The following HOXA10 variants were observed in gnomAD, a reference collection of about 807,000 sequenced individuals.
HOXA10 encodes the protein homeobox A10.
Under a neutral mutation model 29.7 loss-of-function variants are expected in HOXA10, and 12 were observed. The observed-to-expected ratio is 0.40, with a 90% CI of 0.26 to 0.65. HOXA10 has a LOEUF of 0.65. Among genes scored for constraint, HOXA10 ranks in the 30% least tolerant of loss-of-function variants. HOXA10 has a pLI of 0.37. For missense variants in HOXA10, 656 were observed against 585.9 expected, an observed-to-expected ratio of 1.12 and a Z score of -1.24; for synonymous variants, 327 against 280.7, an observed-to-expected ratio of 1.16 and a Z score of -1.65.
chr7:27,178,515 G>A (rs1464863758), upstream of HOXA10, among the ~76,000 whole-genome samples: 1 of 152,220 alleles, frequency 6.6e-6, no homozygotes, highest in Non-Finnish European at 1.5e-5. Context: ...AATATTCTTA[G>A]ATTTGTTCAT....
chr7:27,176,855 T>C (rs528788677), upstream of HOXA10, among the ~76,000 whole-genome samples: 1 of 152,374 alleles, frequency 6.6e-6, no homozygotes, highest in Non-Finnish European at 1.5e-5. Context: ...TCCAAGTAAG[T>C]TTTGACTCAT....
chr7:27,173,119 G>T (rs547338308), intron 1 of HOXA10, among the ~76,000 whole-genome samples: 216 of 152,370 alleles, frequency 1.4e-3, no homozygotes, highest in African/African-American at 3.8e-3. Context: ...CCTAGTCAGG[G>T]GGAGCTGAGG....
rs1296650448 is a variant in HOXA10 at position 27,173,653 on chromosome 7, C to T, written c.654G>A (p.Gln218=). The T allele has an allele frequency of 3.9e-6, 6 of 1,547,858 alleles. No individual in the cohort carries two copies. The highest frequency in any genetic ancestry group is 1.4e-5 in the African/African-American group (1 of 72,756). ...CATAGCCCTTGGCGGTGCCGTAGGC[C>T]TGAGAAAGGCGGAAGTAGCCAGGCA... ...VPVPGYFRLS[Q]AYGTAKGYGS... The change falls in exon 1 of 2, where the codon CAG becomes CAA. Residue 218 remains glutamine (Q), a synonymous_variant. Transcript: ENST00000283921.
chr7:27,179,310 C>CTTTTT (rs10634973), upstream of HOXA10, among the ~76,000 whole-genome samples: 4 of 141,636 alleles, frequency 2.8e-5, no homozygotes, highest in Non-Finnish European at 6.1e-5. Context: ...CCGCGATCAC[C>CTTTTT]TTTTTTTTTT....
At chr7:27,172,401 C>G in intron 1 of HOXA10, 1 of 595,374 alleles carries the variant, frequency 1.7e-6, no homozygotes, top group Non-Finnish European at 3.0e-6. Context: ...ATTTCCCCCA[C>G]TTTTCCAAAC....
chr7:27,177,255 A>C (rs935948225), upstream of HOXA10, among the ~76,000 whole-genome samples: 2 of 152,254 alleles, frequency 1.3e-5, no homozygotes, highest in African/African-American at 4.8e-5. Flanking sequence ...GTGGTGAGCC[A>C]GATGTGTTTC....
Position 27,173,483 on chromosome 7 carries a change from G to A in HOXA10, c.824C>T (p.Pro275Leu). ...RKERALDSPP[P>L]PTLACGSGGG... ...GCCGCTGCCGCAAGCCAGCGTGGGG[G>A]GCGGCGGCGAATCGAGGGCTCGCTC... is the stretch of plus-strand genomic sequence containing the variant. Residue 275 changes from proline to leucine, a missense_variant, in exon 1 of 2, where the codon CCC (proline) becomes CTC (leucine). Pro to Leu is a moderately conservative substitution (Grantham distance 98, BLOSUM62 -3). This residue lies in a region of HOXA10 where 594 missense variants were observed against 491.9 expected (regional missense o/e 1.21). Coordinates refer to ENST00000283921, the MANE Select transcript of HOXA10 (RefSeq NM_018951.4). 6.4e-7 allele frequency: 1 copy of A among 1,554,516 alleles called. No homozygotes were observed. The highest frequency in any genetic ancestry group is 8.7e-7 in the Non-Finnish European group (1 of 1,154,930).
intron 1 of HOXA10, 94 bp downstream of exon 1, chr7:27,173,255 C>T (rs866860007): frequency 6.4e-7 from 1 of 1,567,770 alleles, no homozygotes; most frequent in Non-Finnish European, 8.6e-7. Context: ...CAAGGCCGGC[C>T]GGCTGCTGCG....
chr7:27,171,554 C>G lies in HOXA10; in HGVS notation c.*345G>C, dbSNP rs1783489281. 2.1e-6 allele frequency: 1 copy of G among 483,020 alleles called. No individual in the cohort carries two copies. Among genetic ancestry groups the G allele is most frequent in the Non-Finnish European group, 4.1e-6 (1 of 246,232 alleles). 29.9% of individuals were successfully genotyped at this position (483,020 alleles called of 1,614,324 possible). A position where few individuals can be genotyped will look rare whatever the true frequency, so the allele number is the denominator to read the frequency against. ...GGTTTGCCCCAGGCTGGGCAGGAAA[C>G]CAGCTCGGCCGAAGACAGGGGCCAT... On this transcript the variant is annotated 3_prime_UTR_variant, in exon 2 of 2. Coordinates refer to ENST00000283921, the MANE Select transcript of HOXA10 (RefSeq NM_018951.4).
In HOXA10 at chr7:27,171,683, C is replaced by A. The variant is rs961521027; in HGVS notation, c.*216G>T. 1.4e-6 allele frequency: 1 copy of A among 700,614 alleles called. No homozygotes were observed. 43.4% of individuals were successfully genotyped at this position (700,614 alleles called of 1,614,324 possible). A position where few individuals can be genotyped will look rare whatever the true frequency, so the allele number is the denominator to read the frequency against. On this transcript the variant is annotated 3_prime_UTR_variant, in exon 2 of 2. Coordinates refer to ENST00000283921, the MANE Select transcript of HOXA10 (RefSeq NM_018951.4). Reference sequence around the variant, plus strand: ...ATTTTAGCATGATATGGCTTTTTCCCCCAGAAAACAACAAATAAACCAGCA... The same window carrying A: ...ATTTTAGCATGATATGGCTTTTTCCACCAGAAAACAACAAATAAACCAGCA...
chr7:27,174,442 G>A, upstream of HOXA10: 3 of 1,434,154 alleles, frequency 2.1e-6, no homozygotes, highest in Non-Finnish European at 2.8e-6. Context: ...CTCTCCGAGG[G>A]CGCCCTCAGA....
At chr7:27,172,602 G>A in intron 1 of HOXA10, 1 of 244,318 alleles carries the variant, frequency 4.1e-6, no homozygotes, top group Non-Finnish European at 8.0e-6. Flanking sequence ...TCTCACCCCA[G>A]GGCCCTGATT....
In HOXA10 at chr7:27,170,899, C is replaced by T; in HGVS notation, c.*1000G>A. 1 of 454,428 alleles carries T rather than the reference C, an allele frequency of 2.2e-6. No homozygotes were observed. Among genetic ancestry groups the T allele is most frequent in the South Asian group, 1.6e-5 (1 of 64,464 alleles). The allele number at this position is 454,428 out of a possible 1,614,324, so 28.1% of individuals were successfully genotyped here. A position where few individuals can be genotyped will look rare whatever the true frequency, so the allele number is the denominator to read the frequency against. On this transcript the variant is annotated 3_prime_UTR_variant, in exon 2 of 2. Transcript: ENST00000283921. Reference sequence around the variant, plus strand: ...GAAATCCAAACAATGTCTCCCTTCTCTAGTTTATTCCGCTTACCCCAGTCC... The same window carrying T: ...GAAATCCAAACAATGTCTCCCTTCTTTAGTTTATTCCGCTTACCCCAGTCC...
intron 1 of HOXA10, 67 bp from the exon 2 acceptor site, chr7:27,172,240 A>T: frequency 6.7e-7 from 1 of 1,489,042 alleles, no homozygotes; most frequent in East Asian, 2.3e-5. Context: ...GCGGGGGTGA[A>T]TTGCCTCCGT....
rs1783577711 is a variant in HOXA10 at position 27,173,733 on chromosome 7, G to A, written c.574C>T (p.Pro192Ser). The A allele has an allele frequency of 1.3e-6, 2 of 1,594,048 alleles. No individual in the cohort carries two copies. Among genetic ancestry groups the A allele is most frequent in the Non-Finnish European group, 1.7e-6 (2 of 1,171,032 alleles). The change falls in exon 1 of 2, where the codon CCG becomes TCG. Residue 192 changes from proline to serine, a missense_variant. By Grantham distance (74) the Pro-to-Ser change is moderately conservative. Coordinates refer to ENST00000283921, the MANE Select transcript of HOXA10 (RefSeq NM_018951.4). ...SATAAELAPF[P>S]RGPPPDGCAL... ...CAGCCGTCGGGCGGCGGGCCCCGCG[G>A]GAAGGGAGCCAGTTCGGCGGCGGTG...
exon 1 of HOXA10, chr7:27,179,682 T>C (rs1233096267): frequency 1.3e-6 from 1 of 777,904 alleles, no homozygotes; most frequent in Non-Finnish European, 2.4e-6. Flanking sequence ...AAGGGACAGC[T>C]GGCTTCTCCG....
intron 1 of HOXA10, 173 bp from the exon 2 acceptor site, chr7:27,172,346 C>A: frequency 3.1e-6 from 2 of 649,278 alleles, no homozygotes; most frequent in African/African-American, 1.8e-5. Flanking sequence ...AAAGTCATGA[C>A]AAAAATTGAG....
rs774415183 is a variant in HOXA10, at chr7:27,173,403, G to T, written c.904C>A (p.Leu302Ile). ...CTGCTCTCGGAAGGGGCCGGGGAGA[G>T]CTCCTCCGCGGCCGAGGACGACGCG... ...AHASSSAAEE[L>I]SPAPSESSKA... The change falls in exon 1 of 2, where the codon CTC becomes ATC. Residue 302 changes from leucine to isoleucine, a missense_variant. This residue lies in a region of HOXA10 where 594 missense variants were observed against 491.9 expected (regional missense o/e 1.21). Coordinates refer to ENST00000283921, the MANE Select transcript of HOXA10 (RefSeq NM_018951.4). 39 of 1,610,358 alleles carry T rather than the reference G, an allele frequency of 2.4e-5. No homozygotes were observed. Among genetic ancestry groups the T allele is most frequent in the Non-Finnish European group, 3.1e-5 (37 of 1,179,426 alleles).
In HOXA10 at chr7:27,173,427, C is replaced by A. The variant is rs760362443; in HGVS notation, c.880G>T (p.Ala294Ser). The A allele has an allele frequency of 1.2e-6, 2 of 1,602,412 alleles. No homozygotes were observed. The highest frequency in any genetic ancestry group is 1.1e-5 in the South Asian group (1 of 90,000). Reference protein sequence around the residue: ...GGSQGDEEAHASSSAAEELSP... With the variant: ...GGSQGDEEAHSSSSAAEELSP... ...AGCTCCTCCGCGGCCGAGGACGACG[C>A]GTGCGCCTCCTCGTCGCCCTGCGAG... Residue 294 changes from alanine to serine, a missense_variant, in exon 1 of 2, where the codon GCG (alanine) becomes TCG (serine). This residue lies in a region of HOXA10 where 594 missense variants were observed against 491.9 expected (regional missense o/e 1.21). Transcript: ENST00000283921.
Sources: allele counts gnomAD v4.1 joint callset (sites outside exome capture counted in the v4.1 genomes callset), GRCh38; gene constraint gnomAD v4.1.1; regional missense constraint gnomAD v4.1.1; transcripts MANE v1.5; gene names NCBI Gene and HGNC (gene_info 2026-07-23, HGNC 2026-07-21).